The following B3GALT5 variants were observed in gnomAD, a reference collection of about 807,000 sequenced individuals.
B3GALT5 encodes beta-1,3-galactosyltransferase 5.
For synonymous variants in B3GALT5, 156 were observed against 158.6 expected, an observed-to-expected ratio of 0.98 and a Z score of 0.12; for missense variants, 328 against 396.6, an observed-to-expected ratio of 0.83 and a Z score of 1.47.
At chr21:39,640,930 G>T (rs1430673752) in intron 1 of B3GALT5, among the ~76,000 whole-genome samples, 12 of 152,028 alleles carry the variant, frequency 7.9e-5, no homozygotes, top group Non-Finnish European at 1.5e-4. Context: ...TGTAGAGATG[G>T]AGTCTCACTA....
Position 39,660,725 on chromosome 21 carries a change from CCT to C in B3GALT5, c.168_169del (p.Pro57LeufsTer15). 3 of 1,550,514 alleles carry C rather than the reference CCT, an allele frequency of 1.9e-6. No homozygotes were observed. Among genetic ancestry groups the C allele is most frequent in the Non-Finnish European group, 2.6e-6 (3 of 1,151,164 alleles). On this transcript the variant is annotated frameshift_variant, in exon 4 of 4. Coordinates refer to ENST00000684187, the MANE Select transcript of B3GALT5 (RefSeq NM_001356336.2). LOFTEE classifies it low-confidence loss of function (END_TRUNC). ...CCCAGATACAGACTGCAGGCAGACA[CCT>C]CCCTTCCTCGTCCTGCTGGTGACCT... ...KLPDTDCRQT[P>X]PFLVLLVTSS...
chr21:39,621,245 T>G (rs2079132739), intron 1 of B3GALT5, among the ~76,000 whole-genome samples: 1 of 152,248 alleles, frequency 6.6e-6, no homozygotes, highest in Admixed American at 6.5e-5. Flanking sequence ...TTATTATGAA[T>G]TGGTGCTGAA....
intron 1 of B3GALT5, among the ~76,000 whole-genome samples, chr21:39,631,795 G>A (rs528252821): frequency 1.3e-5 from 2 of 152,336 alleles, no homozygotes; most frequent in East Asian, 1.9e-4. Context: ...ATGAAGGTAT[G>A]CACGAGGAAT....
rs906127138 is a variant in B3GALT5, at chr21:39,659,778, T to G, written c.-135T>G. 6.1e-6 allele frequency: 6 copies of G among 985,240 alleles called. No individual in the cohort carries two copies. The African/African-American group carries it at 7.0e-5, about 11-fold the overall frequency. 61.0% of individuals were successfully genotyped at this position (985,240 alleles called of 1,614,324 possible). ...TGATTCCTGTCAGAATCACCATTTT[T>G]GGTAAACAAACCAAGCCCAGAACCT... On this transcript the variant is annotated 5_prime_UTR_variant, in exon 3 of 4. Transcript: ENST00000684187.
chr21:39,624,994 T>C (rs1038214417), intron 1 of B3GALT5, among the ~76,000 whole-genome samples: 9 of 152,198 alleles, frequency 5.9e-5, no homozygotes, highest in Admixed American at 4.6e-4. Flanking sequence ...AATGAGGATT[T>C]TCCTCTGGGT....
rs924579723 is a variant in B3GALT5 at position 39,649,552 on chromosome 21, T to C, written c.-161+2930T>C. Among the ~76,000 whole-genome samples the C allele has an allele frequency of 2.0e-5, 3 of 152,192 alleles. No individual in the cohort carries two copies. In the South Asian group the frequency reaches 6.2e-4, roughly 32 times the overall value. ...GCAGTAGGGGAAAGAGACCTCAGTATAGAGCCGGGCTTAATTCTGAATACA... is the reference window on the plus strand; with the variant it reads ...GCAGTAGGGGAAAGAGACCTCAGTACAGAGCCGGGCTTAATTCTGAATACA... On this transcript the variant is annotated intron_variant, in intron 2 of 3. Transcript: ENST00000684187.
At chr21:39,632,968 G>A (rs1299779144) in intron 1 of B3GALT5, among the ~76,000 whole-genome samples, 2 of 152,176 alleles carry the variant, frequency 1.3e-5, no homozygotes, top group African/African-American at 4.8e-5. Flanking sequence ...GGTAGGTCCT[G>A]GGGTTCCTGT....
chr21:39,654,508 C>T (rs542632806), intron 2 of B3GALT5, among the ~76,000 whole-genome samples: 3 of 152,342 alleles, frequency 2.0e-5, no homozygotes, highest in Admixed American at 1.3e-4. Flanking sequence ...AAAGAATTTA[C>T]AGTGTTACAT....
intron 1 of B3GALT5, among the ~76,000 whole-genome samples, chr21:39,623,718 G>T (rs575984592): frequency 4.6e-5 from 7 of 152,226 alleles, no homozygotes; most frequent in African/African-American, 1.7e-4. Flanking sequence ...CTCCACATTA[G>T]CTTTTAGGAC....
At chr21:39,634,894 C>G (rs550050583) in intron 1 of B3GALT5, among the ~76,000 whole-genome samples, 3 of 152,112 alleles carry the variant, frequency 2.0e-5, no homozygotes, top group Non-Finnish European at 4.4e-5. Flanking sequence ...AGAGACAACG[C>G]GTAATGGCAG....
intron 1 of B3GALT5, among the ~76,000 whole-genome samples, chr21:39,627,596 T>G (rs1483805753): frequency 6.6e-6 from 1 of 152,142 alleles, no homozygotes; most frequent in African/African-American, 2.4e-5. Flanking sequence ...TTCTGTTCTT[T>G]GCTATTCATT....
intron 1 of B3GALT5, among the ~76,000 whole-genome samples, chr21:39,624,510 A>C (rs1378642301): frequency 1.3e-5 from 2 of 152,196 alleles, no homozygotes; most frequent in Non-Finnish European, 2.9e-5. Context: ...AGTCTGGCAT[A>C]ATTCCCAGGT....
intron 1 of B3GALT5, among the ~76,000 whole-genome samples, chr21:39,635,964 G>A (rs985640565): frequency 1.3e-5 from 2 of 152,158 alleles, no homozygotes; most frequent in African/African-American, 4.8e-5. Context: ...GCTAGGGCCA[G>A]GACTATATCT....
chr21:39,667,743 A>G lies in B3GALT5; in HGVS notation c.*6251A>G, dbSNP rs770949920. On this transcript the variant is annotated 3_prime_UTR_variant, in exon 4 of 4. Transcript: ENST00000684187. ...TCTACCTGGTGGGGAAGCTGGGGAA[A>G]AGGGCCCATGGGAGGATACTAACTG... The G allele has an allele frequency of 2.6e-5, 4 of 152,210 alleles. No individual in the cohort carries two copies. The highest frequency in any genetic ancestry group is 2.6e-4 in the Admixed American group (4 of 15,284). The allele number at this position is 152,210 out of a possible 1,614,324, so 9.4% of individuals were successfully genotyped here.
chr21:39,651,957 G>T (rs986514710), intron 2 of B3GALT5, among the ~76,000 whole-genome samples: 13 of 152,232 alleles, frequency 8.5e-5, no homozygotes, highest in African/African-American at 3.1e-4. Context: ...GGAGTTCACA[G>T]GCTTCACCCG....
intron 2 of B3GALT5, among the ~76,000 whole-genome samples, chr21:39,652,560 T>G (rs1007889185): frequency 6.6e-6 from 1 of 152,212 alleles, no homozygotes; most frequent in African/African-American, 2.4e-5. Flanking sequence ...AATTCCTCAT[T>G]CCTTTCATCC....
intron 1 of B3GALT5, among the ~76,000 whole-genome samples, chr21:39,637,418 C>G (rs114418435): frequency 6.6e-6 from 1 of 152,258 alleles, no homozygotes; most frequent in Non-Finnish European, 1.5e-5. Context: ...CCAGTCCAAC[C>G]CTTGCTGGCA....
rs1411054552 is a variant in B3GALT5 at position 39,661,427 on chromosome 21, C to T, written c.868C>T (p.Arg290Trp). Residue 290 changes from arginine (R) to tryptophan (W), a missense_variant, in exon 4 of 4, where the codon CGG becomes TGG. Coordinates refer to ENST00000684187, the MANE Select transcript of B3GALT5 (RefSeq NM_001356336.2). The surrounding 1 kb of genome is among the most constrained non-coding windows in gnomAD (Gnocchi z 4.7). ...RIVACHFIKP[R>W]TLLDYWQALE... ...CGTGGCCTGCCACTTCATCAAGCCT[C>T]GGACTCTCTTGGACTACTGGCAGGC... The T allele has an allele frequency of 2.4e-5, 37 of 1,551,498 alleles. No individual in the cohort carries two copies. The highest frequency in any genetic ancestry group is 1.5e-4 in the African/African-American group (11 of 73,010).
chr21:39,619,411 C>T (rs2079123240), intron 1 of B3GALT5, among the ~76,000 whole-genome samples: 1 of 152,146 alleles, frequency 6.6e-6, no homozygotes, highest in Non-Finnish European at 1.5e-5. Flanking sequence ...TCTCCAAATA[C>T]AGTCACATTG....
Sources: gnomAD v4.1 joint callset for allele counts (sites outside exome capture counted in the v4.1 genomes callset) on GRCh38, gnomAD v4.1.1 for gene constraint, Gnocchi (gnomAD v3.1) non-coding constraint, MANE v1.5 for transcripts, NCBI Gene and HGNC (gene_info 2026-07-23, HGNC 2026-07-21) for gene names.